BTBD2: variants seen among roughly 807,000 people sequenced by gnomAD.
BTBD2 encodes the protein BTB domain containing 2.
Under a neutral mutation model 44.0 loss-of-function variants are expected in BTBD2, and 15 were observed. The ratio of observed to expected loss-of-function variants is 0.34; its 90% CI spans 0.23 to 0.53. BTBD2 has a LOEUF of 0.53. BTBD2 is among the 20% of genes least tolerant of loss of function. The pLI, the probability that BTBD2 is intolerant of heterozygous loss-of-function variation, is 0.95. For synonymous variants in BTBD2, 443 were observed against 335.9 expected, an observed-to-expected ratio of 1.32 and a Z score of -3.49; for missense variants, 657 against 746.4, an observed-to-expected ratio of 0.88 and a Z score of 1.39.
chr19:2,011,660 CAT>C (rs951022370), intron 1 of BTBD2, among the ~76,000 whole-genome samples: 3 of 152,116 alleles, frequency 2.0e-5, no homozygotes, highest in African/African-American at 7.2e-5. Flanking sequence ...CAGGTCCACT[CAT>C]ATGTGAATTT....
intron 1 of BTBD2, among the ~76,000 whole-genome samples, chr19:2,002,189 A>T (rs1022441683): frequency 6.6e-6 from 1 of 151,666 alleles, no homozygotes; most frequent in African/African-American, 2.4e-5. Context: ...TCAAGCAATG[A>T]TCCCACCTCA....
chr19:1,997,513 C>G (rs1312537639), intron 1 of BTBD2, 50 bp from the exon 2 acceptor site: 1 of 1,608,066 alleles, frequency 6.2e-7, no homozygotes, highest in Non-Finnish European at 8.5e-7. Context: ...CGCCACCCCA[C>G]GGCCGGGAGG....
rs2016072793 is a variant in BTBD2, at chr19:1,985,946, G to T, written c.*542C>A. 1 of 156,166 alleles carries T rather than the reference G, an allele frequency of 6.4e-6. No homozygotes were observed. The highest frequency in any genetic ancestry group is 1.4e-5 in the Non-Finnish European group (1 of 70,556). The allele number at this position is 156,166 out of a possible 1,614,324, so 9.7% of individuals were successfully genotyped here. On this transcript the variant is annotated 3_prime_UTR_variant, in exon 9 of 9. Coordinates refer to ENST00000255608, the MANE Select transcript of BTBD2 (RefSeq NM_017797.4). ...AACTCAAGCCGGCATCCAGGCAGTG[G>T]GAACGCCCCGCAGGCTGGGCTTGGG...
At chr19:2,004,521 T>C (rs2145643734) in intron 1 of BTBD2, among the ~76,000 whole-genome samples, 1 of 152,052 alleles carries the variant, frequency 6.6e-6, no homozygotes, top group East Asian at 2.0e-4. Flanking sequence ...GGTCTCCAAC[T>C]CCTGACCTCA....
intron 1 of BTBD2, among the ~76,000 whole-genome samples, chr19:2,015,024 GC>G (rs896495192): frequency 1.1e-4 from 17 of 151,082 alleles, no homozygotes; most frequent in African/African-American, 4.1e-4. Context: ...GCCCCGGGGT[GC>G]AGGCCGGGTC....
At chr19:2,002,081 TTTTTA>T (rs368150935) in intron 1 of BTBD2, among the ~76,000 whole-genome samples, 40 of 151,986 alleles carry the variant, frequency 2.6e-4, no homozygotes, top group African/African-American at 9.4e-4. Flanking sequence ...TTTTATTTCA[TTTTTA>T]TTTTTAGTTT....
chr19:2,010,074 C>T (rs1390464596), intron 1 of BTBD2, among the ~76,000 whole-genome samples: 1 of 152,136 alleles, frequency 6.6e-6, no homozygotes, highest in East Asian at 1.9e-4. Flanking sequence ...ATGGCATGAA[C>T]CTGGGAGGCG....
chr19:2,004,255 A>G (rs964787147), intron 1 of BTBD2, among the ~76,000 whole-genome samples: 34 of 151,248 alleles, frequency 2.2e-4, no homozygotes, highest in African/African-American at 8.3e-4. Context: ...AGGCTGTGTC[A>G]CAGGCACACA....
intron 1 of BTBD2, among the ~76,000 whole-genome samples, chr19:2,009,057 C>T (rs1382162915): frequency 1.3e-5 from 2 of 150,310 alleles, no homozygotes; most frequent in African/African-American, 4.9e-5. Flanking sequence ...CTCGCTTTGT[C>T]ACCCAGGCTG....
At chr19:1,988,640 G>C (rs1378332265) in intron 5 of BTBD2, 1 of 150,690 alleles carries the variant, frequency 6.6e-6, no homozygotes, top group Non-Finnish European at 1.5e-5. Flanking sequence ...TTTCGCTCTT[G>C]TCCCCCAGGC....
rs938890375 is a variant in BTBD2 at position 2,015,289 on chromosome 19, G to A, written c.407+8C>T. On this transcript the variant is annotated splice_region_variant and intron_variant, in intron 1 of 8. Coordinates refer to ENST00000255608, the MANE Select transcript of BTBD2 (RefSeq NM_017797.4). ...CGGGGCCAGGGCTGGCGGGGTCGGG[G>A]CGCCCACCTGTGCGCGGGGATGCGC... The A allele has an allele frequency of 1.9e-6, 3 of 1,545,086 alleles. No individual in the cohort carries two copies. Among genetic ancestry groups the A allele is most frequent in the South Asian group, 2.3e-5 (2 of 85,510 alleles).
intron 1 of BTBD2, among the ~76,000 whole-genome samples, chr19:2,009,998 T>TACAA (rs113815452): frequency 0.47 from 71,172 of 151,400 alleles, 17,843 homozygotes; most frequent in East Asian, 0.7. Flanking sequence ...TACTAAAAAA[T>TACAA]ACAATTAGCC....
In BTBD2 at chr19:1,990,668, C is replaced by G. The variant is rs1325193256; in HGVS notation, c.790+49G>C. The G allele has an allele frequency of 2.1e-6, 3 of 1,446,492 alleles. No individual in the cohort carries two copies. The African/African-American group carries it at 4.2e-5, about 20-fold the overall frequency. 89.6% of individuals were successfully genotyped at this position (1,446,492 alleles called of 1,614,324 possible). On this transcript the variant is annotated intron_variant, in intron 4 of 8. Transcript: ENST00000255608. ...TCCCACTGTCAATCCCCGGACCCTCCCGCCGAGGCCCCGCTGGGATTCCCA... is the reference window on the plus strand; with the variant it reads ...TCCCACTGTCAATCCCCGGACCCTCGCGCCGAGGCCCCGCTGGGATTCCCA...
intron 5 of BTBD2, chr19:1,989,326 G>C (rs2016138471): frequency 6.5e-6 from 1 of 153,376 alleles, no homozygotes; most frequent in Non-Finnish European, 1.4e-5. Flanking sequence ...AGGAGGTCGA[G>C]GCTGCAGTGA....
chr19:2,000,918 C>T (rs1377269761), intron 1 of BTBD2, among the ~76,000 whole-genome samples: 2 of 152,138 alleles, frequency 1.3e-5, no homozygotes, highest in Non-Finnish European at 2.9e-5. Flanking sequence ...CTATGACAGA[C>T]GCCAGGCACA....
chr19:2,010,700 C>T (rs1396930348), intron 1 of BTBD2, among the ~76,000 whole-genome samples: 2 of 150,830 alleles, frequency 1.3e-5, no homozygotes, highest in East Asian at 1.9e-4. Flanking sequence ...AGTGCAGTGG[C>T]GCAATCTTGG....
Position 1,993,065 on chromosome 19 carries a change from C to T in BTBD2, c.639G>A (p.Leu213=). 1 of 1,594,558 alleles carries T rather than the reference C, an allele frequency of 6.3e-7. No individual in the cohort carries two copies. The highest frequency in any genetic ancestry group is 8.5e-7 in the Non-Finnish European group (1 of 1,171,782). The change falls in exon 3 of 9, where the codon CTG becomes CTA. Residue 213 remains leucine, a synonymous_variant. Coordinates refer to ENST00000255608, the MANE Select transcript of BTBD2 (RefSeq NM_017797.4). ...CGTTGTCGGCTCGCAGGTTCTTCTT[C>T]AGGAACTCCACGCAATGGGCCTCGA... The part of the protein sequence containing the change: ...PALEAHCVEF[L]KKNLRADNAF...
chr19:2,015,407 G>C lies in BTBD2; in HGVS notation c.297C>G (p.Ser99Arg), dbSNP rs1443758386. Residue 99 changes from serine (S) to arginine (R), a missense_variant, in exon 1 of 9, where the codon AGC becomes AGG. Ser to Arg is a moderately radical substitution (Grantham distance 110). This residue lies in a region of BTBD2 where 191 missense variants were observed against 188.5 expected (regional missense o/e 1.01). Coordinates refer to ENST00000255608, the MANE Select transcript of BTBD2 (RefSeq NM_017797.4). ...CGAAGCGCTCCTGCACGGTGGGCTTGCTGGCCTGCCAGTTGTACGCGGCCT... is the reference window on the plus strand; with the variant it reads ...CGAAGCGCTCCTGCACGGTGGGCTTCCTGGCCTGCCAGTTGTACGCGGCCT... Reference protein sequence around the residue: ...QREAAYNWQASKPTVQERFAF... With the variant: ...QREAAYNWQARKPTVQERFAF... 6.4e-7 allele frequency: 1 copy of C among 1,551,860 alleles called. No individual in the cohort carries two copies. Among genetic ancestry groups the C allele is most frequent in the Non-Finnish European group, 8.6e-7 (1 of 1,157,570 alleles).
At chr19:1,990,413 C>T in intron 4 of BTBD2, 1 of 637,298 alleles carries the variant, frequency 1.6e-6, no homozygotes, top group Non-Finnish European at 2.7e-6. Flanking sequence ...TGTTTTTAAG[C>T]CACAAGGACA....
Sources: allele counts gnomAD v4.1 joint callset (sites outside exome capture counted in the v4.1 genomes callset), GRCh38; gene constraint gnomAD v4.1.1; regional missense constraint gnomAD v4.1.1; transcripts MANE v1.5; gene names NCBI Gene and HGNC (gene_info 2026-07-23, HGNC 2026-07-21).